The following PCDH15 variants were observed in gnomAD, a reference collection of about 807,000 sequenced individuals.
The protein encoded by PCDH15 is protocadherin related 15.
In PCDH15, 129 loss-of-function variants were observed where a neutral mutation model predicts 178.5. The observed-to-expected ratio is 0.72, with a 90% CI of 0.63 to 0.84. PCDH15 has a LOEUF of 0.84. Ranked by LOEUF, PCDH15 falls within the 40% of genes least tolerant of loss-of-function variation. The probability of loss-of-function intolerance (pLI) is 0.00; values close to 1 mark genes in which losing one functional copy is unlikely to be tolerated. For synonymous variants in PCDH15, 800 were observed against 732.0 expected, an observed-to-expected ratio of 1.09 and a Z score of -1.50; for missense variants, 2,230 against 2,099.9, an observed-to-expected ratio of 1.06 and a Z score of -1.21.
chr10:54,554,448 TA>T (rs766821260), intron 2 of PCDH15, among the ~76,000 whole-genome samples: 2 of 152,124 alleles, frequency 1.3e-5, no homozygotes, highest in East Asian at 1.9e-4. Flanking sequence ...AAAATTAATG[TA>T]AAAAAATTGG....
intron 2 of PCDH15, among the ~76,000 whole-genome samples, chr10:55,617,908 T>C (rs1843511850): frequency 1.3e-5 from 2 of 151,998 alleles, no homozygotes; most frequent in South Asian, 2.1e-4. Flanking sequence ...TTGATGTTAC[T>C]GAGTAGCAAA....
At chr10:54,757,093 T>C (rs7893385) in intron 1 of PCDH15, among the ~76,000 whole-genome samples, 138,689 of 152,112 alleles carry the variant, frequency 0.91, 63,273 homozygotes, top group Middle Eastern at 0.95. Flanking sequence ...ATATAAAAAT[T>C]TGCTTTATGA....
intron 1 of PCDH15, among the ~76,000 whole-genome samples, chr10:55,319,266 C>T (rs10825495): frequency 0.26 from 39,607 of 151,784 alleles, 6,328 homozygotes; most frequent in Admixed American, 0.36. Flanking sequence ...AATTTGGGTA[C>T]TGGAATTATA....
chr10:54,621,314 C>A lies in PCDH15; in HGVS notation c.91+42858G>T, dbSNP rs576374002. ...TATTAATAAAATACATCCTCTAGTG[C>A]ATATTAAATGGTTCAATTTATTAAA... On this transcript the variant is annotated intron_variant, in intron 2 of 37. Transcript: ENST00000644397. 3.3e-5 allele frequency among the ~76,000 whole-genome samples: 5 copies of A among 152,058 alleles called. No homozygotes were observed. In the South Asian group the frequency reaches 1.0e-3, roughly 32 times the overall value.
rs116109346 is a variant in PCDH15, at chr10:54,055,282, C to T, written c.2220+11475G>A. On this transcript the variant is annotated intron_variant, in intron 18 of 37. Transcript: ENST00000644397. The stretch of plus-strand genomic sequence containing the variant: ...GTTTTAAGTTAAATAAATTCAGCCT[C>T]TTATTTAGAACTGGAAGAACATGTT... Among the ~76,000 whole-genome samples the T allele has an allele frequency of 5.1e-3, 770 of 152,224 alleles. 10 individuals are homozygous for T. Among genetic ancestry groups the T allele is most frequent in the African/African-American group, 0.018 (732 of 41,548 alleles).
chr10:54,282,351 G>A lies in PCDH15; in HGVS notation c.876+34920C>T, dbSNP rs76576828. On this transcript the variant is annotated intron_variant, in intron 8 of 37. Transcript: ENST00000644397. ...AAAAAGAGAGAGAGAGAGGAGAGAT[G>A]GAGACAAATTCCCAGACCATACACT... Among the ~76,000 whole-genome samples the A allele has an allele frequency of 6.6e-3, 1,010 of 152,082 alleles. 12 individuals are homozygous for A. The highest frequency in any genetic ancestry group is 0.023 in the African/African-American group (946 of 41,514).
intron 3 of PCDH15, among the ~76,000 whole-genome samples, chr10:54,808,186 A>G (rs1952808530): frequency 6.6e-6 from 1 of 152,120 alleles, no homozygotes; most frequent in African/African-American, 2.4e-5. Context: ...TAACTCAGTA[A>G]TCACTATTTT....
intron 8 of PCDH15, among the ~76,000 whole-genome samples, chr10:54,258,374 A>G (rs560522058): frequency 4.1e-4 from 62 of 152,356 alleles, no homozygotes; most frequent in African/African-American, 1.5e-3. Flanking sequence ...AGTGAATATT[A>G]TTATAGGAAT....
At chr10:55,019,134 T>G (rs190730876) in intron 2 of PCDH15, among the ~76,000 whole-genome samples, 77 of 152,246 alleles carry the variant, frequency 5.1e-4, no homozygotes, top group African/African-American at 1.8e-3. Context: ...TGACACGAAG[T>G]CATGAGATTT....
chr10:54,793,262 CA>C (rs1259326918), intron 1 of PCDH15, among the ~76,000 whole-genome samples: 2 of 151,694 alleles, frequency 1.3e-5, no homozygotes, highest in African/African-American at 4.8e-5. Context: ...CATTCTGCAG[CA>C]AAAAAGTATT....
intron 21 of PCDH15, among the ~76,000 whole-genome samples, chr10:53,974,711 G>A (rs1460100243): frequency 6.6e-6 from 1 of 151,692 alleles, no homozygotes; most frequent in Non-Finnish European, 1.5e-5. Flanking sequence ...TAGCTGATTC[G>A]TTTACCTATT....
chr10:54,516,076 A>G (rs995903418), intron 3 of PCDH15, among the ~76,000 whole-genome samples: 5 of 152,230 alleles, frequency 3.3e-5, no homozygotes, highest in African/African-American at 1.2e-4. Context: ...TGGAAACTCT[A>G]AAAAGCAGAG....
chr10:55,105,583 C>T (rs1315846380), intron 2 of PCDH15, among the ~76,000 whole-genome samples: 1 of 152,048 alleles, frequency 6.6e-6, no homozygotes, highest in Non-Finnish European at 1.5e-5. Context: ...CCTATTCATC[C>T]TGTGGTTTTC....
intron 26 of PCDH15, among the ~76,000 whole-genome samples, chr10:53,872,206 A>T (rs1278320736): frequency 6.6e-6 from 1 of 152,140 alleles, no homozygotes; most frequent in African/African-American, 2.4e-5. Flanking sequence ...TGACACATCC[A>T]GCAACTTATT....
chr10:54,257,277 T>C (rs1423527627), intron 8 of PCDH15, among the ~76,000 whole-genome samples: 1 of 152,074 alleles, frequency 6.6e-6, no homozygotes. Context: ...GGACAGAGGG[T>C]TGCGTTATGA....
chr10:55,429,236 A>G (rs1838826864), intron 2 of PCDH15, among the ~76,000 whole-genome samples: 1 of 152,104 alleles, frequency 6.6e-6, no homozygotes, highest in Non-Finnish European at 1.5e-5. Context: ...CACAAAGGAA[A>G]TTTTAAGCAC....
chr10:54,170,060 C>G (rs926149462), intron 13 of PCDH15, among the ~76,000 whole-genome samples: 8 of 142,930 alleles, frequency 5.6e-5, no homozygotes, highest in Non-Finnish European at 1.1e-4. Flanking sequence ...TCTTCGCTTT[C>G]ACTTGGACTG....
intron 3 of PCDH15, among the ~76,000 whole-genome samples, chr10:54,494,318 A>G (rs979556022): frequency 2.0e-5 from 3 of 152,124 alleles, no homozygotes; most frequent in African/African-American, 7.2e-5. Context: ...TTTCCCATAC[A>G]ACTTAGATAA....
chr10:54,837,722 T>C (rs1003271601), intron 3 of PCDH15, among the ~76,000 whole-genome samples: 1 of 152,108 alleles, frequency 6.6e-6, no homozygotes, highest in Admixed American at 6.6e-5. Flanking sequence ...ACAGCAATAA[T>C]TCGGCAGCCA....
Sources: allele counts gnomAD v4.1 joint callset (sites outside exome capture counted in the v4.1 genomes callset), GRCh38; gene constraint gnomAD v4.1.1; transcripts MANE v1.5; gene names NCBI Gene and HGNC (gene_info 2026-07-23, HGNC 2026-07-21).